GLIS1: variants seen among roughly 807,000 people sequenced by gnomAD.
GLIS1 encodes zinc finger protein GLIS1.
Under a neutral mutation model 63.8 loss-of-function variants are expected in GLIS1, and 24 were observed. That is an observed-to-expected ratio of 0.38 (90% CI 0.27 to 0.53). The LOEUF is 0.53. Among genes scored for constraint, GLIS1 ranks in the 20% least tolerant of loss-of-function variants. The pLI is 0.85. For synonymous variants in GLIS1, 450 were observed against 482.5 expected, an observed-to-expected ratio of 0.93 and a Z score of 0.88; for missense variants, 1,036 against 1,074.1, an observed-to-expected ratio of 0.96 and a Z score of 0.50.
At chr1:53,508,946 A>T (rs1375405719) in intron 10 of GLIS1, among the ~76,000 whole-genome samples, 174 bp downstream of exon 10, 1 of 152,218 alleles carries the variant, frequency 6.6e-6, no homozygotes, top group Non-Finnish European at 1.5e-5. Flanking sequence ...GCAGGTACAG[A>T]CAGTTCTGCG....
In GLIS1 at chr1:53,574,875, C is replaced by T. The variant is rs1022890922; in HGVS notation, c.1320+19233G>A. 6.6e-6 allele frequency among the ~76,000 whole-genome samples: 1 copy of T among 152,162 alleles called. No homozygotes were observed. The highest frequency in any genetic ancestry group is 2.4e-5 in the African/African-American group (1 of 41,410). ...CCGTTGGAGGGAGGATGTCTTCCCT[C>T]GCCCACAGTCAGGCTCCTTCACAGC... On this transcript the variant is annotated intron_variant, in intron 4 of 10. Transcript: ENST00000628545. The surrounding 1 kb of genome is among the most constrained non-coding windows in gnomAD (Gnocchi z 4.2).
intron 2 of GLIS1, among the ~76,000 whole-genome samples, chr1:53,628,334 C>T (rs1358167674): frequency 6.6e-6 from 1 of 152,182 alleles, no homozygotes; most frequent in Non-Finnish European, 1.5e-5. Flanking sequence ...CCTCTGTATT[C>T]TCCCATGGCC....
Position 53,574,444 on chromosome 1 carries a change from C to T in GLIS1, c.1320+19664G>A, listed in dbSNP as rs527634810. ...CTGCCACAAGCAGCAGGGCCTCCCA[C>T]GCAGTCTCCCCTGGGAGATTACCTG... On this transcript the variant is annotated intron_variant, in intron 4 of 10. Transcript: ENST00000628545. The surrounding 1 kb of genome is among the most constrained non-coding windows in gnomAD (Gnocchi z 4.2). 1.7e-4 allele frequency among the ~76,000 whole-genome samples: 26 copies of T among 152,322 alleles called. 1 individual carries two copies. The highest frequency in any genetic ancestry group is 9.6e-4 in the East Asian group (5 of 5,190).
intron 2 of GLIS1, among the ~76,000 whole-genome samples, chr1:53,632,902 T>G (rs1645677126): frequency 7.0e-6 from 1 of 142,398 alleles, no homozygotes; most frequent in Admixed American, 7.0e-5. Flanking sequence ...TGTGAATGAA[T>G]GTGAATGAGA....
intron 2 of GLIS1, among the ~76,000 whole-genome samples, chr1:53,696,127 G>A (rs1056731404): frequency 6.6e-6 from 1 of 152,250 alleles, no homozygotes; most frequent in African/African-American, 2.4e-5. Context: ...TCCCCTCAGG[G>A]AGCTGGCGAG....
At chr1:53,601,759 A>G (rs1469125347) in intron 2 of GLIS1, among the ~76,000 whole-genome samples, 1 of 152,178 alleles carries the variant, frequency 6.6e-6, no homozygotes, top group Non-Finnish European at 1.5e-5. Flanking sequence ...ATCGCTATGT[A>G]ATAAGAAGCC....
intron 8 of GLIS1, among the ~76,000 whole-genome samples, chr1:53,513,805 TG>T (rs1213238187): frequency 6.6e-6 from 1 of 152,182 alleles, no homozygotes; most frequent in Non-Finnish European, 1.5e-5. Flanking sequence ...ATAGGAGCAG[TG>T]GGCCACAAAT....
intron 4 of GLIS1, among the ~76,000 whole-genome samples, chr1:53,592,349 A>G (rs1477261892): frequency 1.3e-5 from 2 of 152,134 alleles, no homozygotes; most frequent in East Asian, 1.9e-4. Context: ...AACCACAGGC[A>G]GAAGCCAGGT....
chr1:53,695,410 G>A (rs928584125), intron 2 of GLIS1, among the ~76,000 whole-genome samples: 1 of 145,316 alleles, frequency 6.9e-6, no homozygotes, highest in Non-Finnish European at 1.5e-5. Flanking sequence ...CAGGCTGGGT[G>A]AGCTGAAGAC....
intron 2 of GLIS1, among the ~76,000 whole-genome samples, chr1:53,679,808 G>A (rs1431308978): frequency 1.3e-5 from 2 of 152,234 alleles, no homozygotes; most frequent in African/African-American, 2.4e-5. Context: ...ACACACGGTG[G>A]ACAATGCTGG....
intron 2 of GLIS1, among the ~76,000 whole-genome samples, chr1:53,640,413 A>G (rs1645774096): frequency 6.6e-6 from 1 of 152,142 alleles, no homozygotes; most frequent in African/African-American, 2.4e-5. Context: ...GTGACTCTAC[A>G]CCGTTGTTGG....
intron 2 of GLIS1, among the ~76,000 whole-genome samples, chr1:53,685,674 G>C (rs781031975): frequency 1.3e-5 from 2 of 152,112 alleles, no homozygotes; most frequent in African/African-American, 2.4e-5. Context: ...GCCTGTGACT[G>C]TCTCCCTCAC....
At position 53,524,899 on chromosome 1, in the gene GLIS1, G is replaced by T; in HGVS notation, c.1483-12C>A. On this transcript the variant is annotated splice_polypyrimidine_tract_variant and intron_variant, in intron 5 of 10. Coordinates refer to ENST00000628545, the MANE Select transcript of GLIS1 (RefSeq NM_001367484.1). The stretch of plus-strand genomic sequence containing the variant: ...CAGGCGTACGGCTTCTGTAACATGG[G>T]GGGCACGGGTGGGGTGAGTGAGGCC... The T allele has an allele frequency of 4.4e-6, 7 of 1,603,238 alleles. No homozygotes were observed. Among genetic ancestry groups the T allele is most frequent in the African/African-American group, 1.3e-5 (1 of 74,860 alleles).
At chr1:53,722,601 G>A (rs1646766362) in intron 2 of GLIS1, among the ~76,000 whole-genome samples, 1 of 152,166 alleles carries the variant, frequency 6.6e-6, no homozygotes, top group Non-Finnish European at 1.5e-5. Flanking sequence ...AACACTTTGG[G>A]AAGCCGAGGT....
chr1:53,580,029 C>G (rs959332425), intron 4 of GLIS1, among the ~76,000 whole-genome samples: 3 of 152,326 alleles, frequency 2.0e-5, no homozygotes, highest in African/African-American at 2.4e-5. Context: ...CAGCCACCGT[C>G]CTGATGAATA....
intron 5 of GLIS1, among the ~76,000 whole-genome samples, chr1:53,529,258 C>T (rs1448578950): frequency 6.6e-6 from 1 of 152,198 alleles, no homozygotes; most frequent in Admixed American, 6.5e-5. Flanking sequence ...CCTGCAGGAG[C>T]CTGGAGTCTT....
At chr1:53,673,348 C>CA (rs1291319367) in intron 2 of GLIS1, among the ~76,000 whole-genome samples, 3 of 152,202 alleles carry the variant, frequency 2.0e-5, no homozygotes, top group African/African-American at 7.2e-5. Context: ...ACAGGAAAAA[C>CA]AAAATATACC....
At position 53,694,876 on chromosome 1, in the gene GLIS1, C is replaced by T. The variant is rs1265430095; in HGVS notation, c.259+42930G>A. 7.2e-5 allele frequency among the ~76,000 whole-genome samples: 11 copies of T among 152,092 alleles called. No homozygotes were observed. In the East Asian group the frequency reaches 1.2e-3, roughly 16 times the overall value. ...GGTACGGAAGGGTGGCTGAAAACAT[C>T]GGCGGCTCCGATCGTGCCTGCAAAC... On this transcript the variant is annotated intron_variant, in intron 2 of 10. Transcript: ENST00000628545.
At chr1:53,725,126 T>G (rs1038020368) in intron 2 of GLIS1, among the ~76,000 whole-genome samples, 2 of 152,068 alleles carry the variant, frequency 1.3e-5, no homozygotes, top group Admixed American at 6.6e-5. Context: ...GCAGACTTGC[T>G]GAAAGAGGAA....
Sources: gnomAD v4.1 joint callset for allele counts (sites outside exome capture counted in the v4.1 genomes callset) on GRCh38, gnomAD v4.1.1 for gene constraint, Gnocchi (gnomAD v3.1) non-coding constraint, MANE v1.5 for transcripts, NCBI Gene and HGNC (gene_info 2026-07-23, HGNC 2026-07-21) for gene names.